Variants in SH3PXD2A observed in about 807,000 individuals in gnomAD.
SH3PXD2A encodes SH3 and PX domains 2A.
Under a neutral mutation model 115.2 loss-of-function variants are expected in SH3PXD2A, and 32 were observed. The ratio of observed to expected loss-of-function variants is 0.28; its 90% CI spans 0.21 to 0.37. The LOEUF (loss-of-function observed/expected upper bound fraction) is 0.37. Ranked by LOEUF, SH3PXD2A falls within the 10% of genes least tolerant of loss-of-function variation. The probability of loss-of-function intolerance (pLI) is 1.00; values close to 1 mark genes in which losing one functional copy is unlikely to be tolerated. For synonymous variants in SH3PXD2A, 610 were observed against 629.1 expected (o/e 0.97, Z 0.45); for missense variants, 1,328 against 1,498.7 (o/e 0.89, Z 1.88).
intron 2 of SH3PXD2A, among the ~76,000 whole-genome samples, chr10:103,792,357 G>A (rs752171184): frequency 6.6e-6 from 1 of 152,160 alleles, no homozygotes; most frequent in Non-Finnish European, 1.5e-5. Flanking sequence ...GAGCTATTTG[G>A]TGAAAGTGAT....
chr10:103,743,296 CTG>C (rs969631584), intron 3 of SH3PXD2A, among the ~76,000 whole-genome samples: 1 of 152,134 alleles, frequency 6.6e-6, no homozygotes, highest in African/African-American at 2.4e-5. Flanking sequence ...CATTCTAAGT[CTG>C]TTTGATTTCA....
chr10:103,743,944 G>C (rs1340702111), intron 3 of SH3PXD2A, among the ~76,000 whole-genome samples: 2 of 152,220 alleles, frequency 1.3e-5, no homozygotes, highest in Non-Finnish European at 2.9e-5. Flanking sequence ...AGGGAAGAGA[G>C]CATAGAGCAG....
At position 103,628,024 on chromosome 10, in the gene SH3PXD2A, C is replaced by T. The variant is rs145211087; in HGVS notation, c.605-822G>A. Among the ~76,000 whole-genome samples the T allele has an allele frequency of 7.8e-4, 119 of 152,336 alleles. 1 individual carries two copies. Among genetic ancestry groups the T allele is most frequent in the African/African-American group, 2.8e-3 (115 of 41,580 alleles). ...CCTGTCTGGAGAGCTCAAGGCTTCTCCCCGGGCAGCACTGGAGGCCCCGTC... is the reference window on the plus strand; with the variant it reads ...CCTGTCTGGAGAGCTCAAGGCTTCTTCCCGGGCAGCACTGGAGGCCCCGTC... On this transcript the variant is annotated intron_variant, in intron 8 of 14. Transcript: ENST00000369774.
At position 103,756,401 on chromosome 10, in the gene SH3PXD2A, G is replaced by A. The variant is rs895800569; in HGVS notation, c.229+10693C>T. Among the ~76,000 whole-genome samples the A allele has an allele frequency of 1.3e-5, 2 of 152,080 alleles. No homozygotes were observed. The highest frequency in any genetic ancestry group is 4.1e-4 in the South Asian group (2 of 4,824). On this transcript the variant is annotated intron_variant, in intron 3 of 14. Transcript: ENST00000369774. This position sits in a 1 kb window ranked among gnomAD's most constrained non-coding sequence, Gnocchi z 4.4. ...AGTGCCCCTCACCTCCTAAGAAGTT[G>A]TTGGGGGCCGGAGCTCCTTCTCAAT...
At chr10:103,607,488 G>A (rs1254443438) in intron 13 of SH3PXD2A, among the ~76,000 whole-genome samples, 3 of 151,652 alleles carry the variant, frequency 2.0e-5, no homozygotes, top group East Asian at 3.9e-4. Context: ...GAGGTGAGGA[G>A]CCCCTCTGCC....
chr10:103,714,908 T>C (rs1032727077), intron 5 of SH3PXD2A, among the ~76,000 whole-genome samples: 3 of 152,006 alleles, frequency 2.0e-5, no homozygotes, highest in African/African-American at 4.8e-5. Flanking sequence ...TCTACCCCAA[T>C]CCCCCAGGAG....
intron 5 of SH3PXD2A, among the ~76,000 whole-genome samples, chr10:103,702,646 G>A (rs541406204): frequency 6.9e-5 from 10 of 144,790 alleles, no homozygotes; most frequent in African/African-American, 2.3e-4. Context: ...AAGGCTGTAT[G>A]TCTTGGGGGA....
chr10:103,619,543 T>G (rs2036571858), intron 10 of SH3PXD2A, among the ~76,000 whole-genome samples: 3 of 152,252 alleles, frequency 2.0e-5, no homozygotes, highest in Admixed American at 2.0e-4. Context: ...AGAGGAGCCC[T>G]GCCCTGCTTC....
intron 6 of SH3PXD2A, among the ~76,000 whole-genome samples, chr10:103,674,691 A>G (rs2037507572): frequency 6.6e-6 from 1 of 152,020 alleles, no homozygotes; most frequent in Non-Finnish European, 1.5e-5. Context: ...GTGGTGGTGT[A>G]TGCCTGTAAT....
intron 1 of SH3PXD2A, among the ~76,000 whole-genome samples, chr10:103,806,571 A>G (rs916832390): frequency 6.6e-6 from 1 of 152,218 alleles, no homozygotes; most frequent in Admixed American, 6.5e-5. Context: ...GGGCCCAGAT[A>G]GACTCTCCTC....
intron 6 of SH3PXD2A, among the ~76,000 whole-genome samples, chr10:103,672,604 G>A (rs1028964080): frequency 1.3e-5 from 2 of 152,242 alleles, no homozygotes; most frequent in Admixed American, 1.3e-4. Flanking sequence ...TTCTTGTGCT[G>A]GCTTTGCCAC....
Position 103,617,202 on chromosome 10 carries a change from A to G in SH3PXD2A, c.915T>C (p.Tyr305=), listed in dbSNP as rs772698113. ...ATAATGTAAGGGTTCCCTACCTGAT[A>G]TACCACCAGCCTTCCAGATTCTTCC... is the stretch of plus-strand genomic sequence containing the variant. The part of the protein sequence containing the change: ...VIRKNLEGWW[Y]IRYLGKEGWA... The change falls in exon 11 of 15, where the codon TAT becomes TAC. Residue 305 remains tyrosine, a synonymous_variant. Transcript: ENST00000369774. 5.0e-6 allele frequency: 8 copies of G among 1,610,768 alleles called. No homozygotes were observed. The South Asian group carries it at 8.8e-5, about 18-fold the overall frequency.
chr10:103,769,134 CTGTGTGTG>C (rs67426639), intron 2 of SH3PXD2A, among the ~76,000 whole-genome samples: 11,228 of 141,916 alleles, frequency 0.079, 497 homozygotes, highest in Middle Eastern at 0.089. Flanking sequence ...AGGCTAGACT[CTGTGTGTG>C]TGTGTGTGTG....
intron 6 of SH3PXD2A, among the ~76,000 whole-genome samples, chr10:103,674,559 C>T (rs943010317): frequency 2.6e-5 from 4 of 152,220 alleles, no homozygotes; most frequent in Non-Finnish European, 5.9e-5. Flanking sequence ...CGGTGGCTCA[C>T]GCCTGTAATC....
Position 103,612,927 on chromosome 10 carries a change from G to C in SH3PXD2A, c.1184C>G (p.Pro395Arg). 6.2e-7 allele frequency: 1 copy of C among 1,613,484 alleles called. No homozygotes were observed. Among genetic ancestry groups the C allele is most frequent in the Non-Finnish European group, 8.5e-7 (1 of 1,179,690 alleles). The change falls in exon 12 of 15, where the codon CCT becomes CGT. Residue 395 changes from proline to arginine, a missense_variant. By Grantham distance (103) the Pro-to-Arg change is moderately radical (BLOSUM62 -2). Around this residue, in one of 5 missense-constraint regions of SH3PXD2A, gnomAD observed 509 missense variants for 628.3 expected, o/e 0.81. Transcript: ENST00000369774. ...GGCCAGCCTGGAGACAGTCCTGTCA[G>C]GAACGCCCACGGCACTGCCATTGGA... ...NASNGSAVGV[P>R]DRTVSRLAQG...
intron 1 of SH3PXD2A, among the ~76,000 whole-genome samples, chr10:103,846,146 T>C (rs1681250293): frequency 6.6e-6 from 1 of 152,218 alleles, no homozygotes; most frequent in Non-Finnish European, 1.5e-5. Context: ...GCCATGGGCC[T>C]CCGCCCAGGC....
chr10:103,800,039 A>G (rs990040672), intron 2 of SH3PXD2A, among the ~76,000 whole-genome samples: 5 of 152,204 alleles, frequency 3.3e-5, no homozygotes, highest in African/African-American at 1.2e-4. Context: ...CCTCTCCAAG[A>G]TGACTGACAA....
At chr10:103,729,637 C>A (rs923774735) in intron 4 of SH3PXD2A, among the ~76,000 whole-genome samples, 8 of 152,224 alleles carry the variant, frequency 5.3e-5, no homozygotes, top group African/African-American at 1.7e-4. Context: ...GCTGAGCTGG[C>A]CTCAGTCCCC....
At chr10:103,617,166 G>T in intron 11 of SH3PXD2A, 31 bp downstream of exon 11, 1 of 1,476,160 alleles carries the variant, frequency 6.8e-7, no homozygotes, top group Non-Finnish European at 9.5e-7. Flanking sequence ...TGGGCGAGAG[G>T]CATCTCGTTC....
Sources: gnomAD v4.1 joint callset for allele counts (sites outside exome capture counted in the v4.1 genomes callset) on GRCh38, gnomAD v4.1.1 for gene constraint, gnomAD v4.1.1 regional missense constraint, Gnocchi (gnomAD v3.1) non-coding constraint, MANE v1.5 for transcripts, NCBI Gene and HGNC (gene_info 2026-07-23, HGNC 2026-07-21) for gene names.